Variants in SBNO2 observed in about 807,000 individuals in gnomAD.
The protein encoded by SBNO2 is strawberry notch homolog 2.
A neutral mutation model predicts 146.3 loss-of-function variants in SBNO2; 89 were observed. That is an observed-to-expected ratio of 0.61 (90% CI 0.51 to 0.73). The LOEUF (loss-of-function observed/expected upper bound fraction) is 0.73. Ranked by LOEUF, SBNO2 falls within the 30% of genes least tolerant of loss-of-function variation. The probability of loss-of-function intolerance (pLI) is 0.00; values close to 1 mark genes in which losing one functional copy is unlikely to be tolerated. For missense variants in SBNO2, 2,092 were observed against 2,003.7 expected (o/e 1.04, Z -0.84); for synonymous variants, 1,147 against 892.6 (o/e 1.29, Z -5.08).
rs1007974141 is a variant in SBNO2 at position 1,157,712 on chromosome 19, G to C, written c.-126-3310C>G. 1.3e-5 allele frequency among the ~76,000 whole-genome samples: 2 copies of C among 152,182 alleles called. No individual in the cohort carries two copies. Among genetic ancestry groups the C allele is most frequent in the African/African-American group, 4.8e-5 (2 of 41,436 alleles). On this transcript the variant is annotated intron_variant, in intron 1 of 31. Coordinates refer to ENST00000361757, the MANE Select transcript of SBNO2 (RefSeq NM_014963.3). This position sits in a 1 kb window ranked among gnomAD's most constrained non-coding sequence, Gnocchi z 6.8. The stretch of plus-strand genomic sequence containing the variant: ...TGTAAAAGAGAACGATGAAGGTGCT[G>C]GTGGCCCAGACAGGACAACCACTGG...
chr19:1,124,423 G>A (rs1448521949), intron 5 of SBNO2, among the ~76,000 whole-genome samples: 1 of 152,190 alleles, frequency 6.6e-6, no homozygotes, highest in Non-Finnish European at 1.5e-5. Flanking sequence ...GCCCCATGCA[G>A]TGCAGGAGGC....
In SBNO2 at chr19:1,158,534, C is replaced by G. The variant is rs1007643454; in HGVS notation, c.-126-4132G>C. ...GCGCACGGCACACCCCAGAGCGCTC[C>G]GCCCAGGCCCGGGTTCTGGTCTCCT... On this transcript the variant is annotated intron_variant, in intron 1 of 31. Transcript: ENST00000361757. This position sits in a 1 kb window ranked among gnomAD's most constrained non-coding sequence, Gnocchi z 9.9. Among the ~76,000 whole-genome samples the G allele has an allele frequency of 6.6e-6, 1 of 152,192 alleles. No individual in the cohort carries two copies. The highest frequency in any genetic ancestry group is 6.5e-5 in the Admixed American group (1 of 15,284).
At chr19:1,147,468 C>A in intron 3 of SBNO2, 48 bp from the exon 4 acceptor site, 1 of 1,074,524 alleles carries the variant, frequency 9.3e-7, no homozygotes, top group Non-Finnish European at 1.3e-6. Flanking sequence ...GCTCAACCCA[C>A]TCCCTCAGTA....
In SBNO2 at chr19:1,157,543, T is replaced by C. The variant is rs1013869971; in HGVS notation, c.-126-3141A>G. Among the ~76,000 whole-genome samples, 1 of 145,296 alleles carries C rather than the reference T, an allele frequency of 6.9e-6. No individual in the cohort carries two copies. The highest frequency in any genetic ancestry group is 2.5e-5 in the African/African-American group (1 of 39,564). On this transcript the variant is annotated intron_variant, in intron 1 of 31. Transcript: ENST00000361757. This position sits in a 1 kb window ranked among gnomAD's most constrained non-coding sequence, Gnocchi z 6.8. ...GTTTTATTTTTGGGCGCGAGTCCCA[T>C]GACTGGAGGGATGCGTGGTGTGGGG...
chr19:1,138,848 GGACA>G (rs1568604156), intron 4 of SBNO2, among the ~76,000 whole-genome samples: 1 of 141,830 alleles, frequency 7.1e-6, no homozygotes, highest in African/African-American at 2.7e-5. Flanking sequence ...CCTCCATCAC[GGACA>G]GACACAGTGG....
chr19:1,170,311 G>C (rs960172045), intron 1 of SBNO2, among the ~76,000 whole-genome samples: 1 of 152,328 alleles, frequency 6.6e-6, no homozygotes, highest in African/African-American at 2.4e-5. Flanking sequence ...CCTCCCAGCA[G>C]GGAGGCAAGG....
rs182292034 is a variant in SBNO2 at position 1,125,515 on chromosome 19, A to G, written c.442-1493T>C. The stretch of plus-strand genomic sequence containing the variant: ...GATAAACCCCATCTCTACTAAAAAT[A>G]CAAAATTAGCCAGGCACGATGGTAC... On this transcript the variant is annotated intron_variant, in intron 5 of 31. Coordinates refer to ENST00000361757, the MANE Select transcript of SBNO2 (RefSeq NM_014963.3). 1.2e-4 allele frequency among the ~76,000 whole-genome samples: 18 copies of G among 152,142 alleles called. No homozygotes were observed. The East Asian group carries it at 3.3e-3, about 28-fold the overall frequency.
intron 1 of SBNO2, among the ~76,000 whole-genome samples, chr19:1,167,310 C>A (rs1485249145): frequency 6.6e-6 from 1 of 152,280 alleles, no homozygotes; most frequent in Non-Finnish European, 1.5e-5. Context: ...ACGACACCCA[C>A]GCGCCCTCTC....
At chr19:1,135,212 A>G (rs2080074526) in intron 4 of SBNO2, among the ~76,000 whole-genome samples, 1 of 152,022 alleles carries the variant, frequency 6.6e-6, no homozygotes, top group South Asian at 2.1e-4. Flanking sequence ...AAATACAAAA[A>G]CCAGCTGCGC....
chr19:1,113,270 G>T lies in SBNO2; in HGVS notation c.2247+265C>A, dbSNP rs112949541. On this transcript the variant is annotated intron_variant, in intron 19 of 31. Transcript: ENST00000361757. ...ACCCCAAGGGGTGCGTTCAGGCAACGATCTAAGCAGAGGCCTGCGCAGGCC... is the reference window on the plus strand; with the variant it reads ...ACCCCAAGGGGTGCGTTCAGGCAACTATCTAAGCAGAGGCCTGCGCAGGCC... Among the ~76,000 whole-genome samples, 35 of 152,246 alleles carry T rather than the reference G, an allele frequency of 2.3e-4. No homozygotes were observed. The East Asian group carries it at 4.6e-3, about 20-fold the overall frequency.
At chr19:1,114,953 G>A (rs1384985554) in intron 17 of SBNO2, among the ~76,000 whole-genome samples, 2 of 150,616 alleles carry the variant, frequency 1.3e-5, no homozygotes, top group Non-Finnish European at 3.0e-5. Flanking sequence ...TTTTTGAGAT[G>A]GAGTTTCACT....
At chr19:1,116,556 C>T (rs537185940) in intron 16 of SBNO2, among the ~76,000 whole-genome samples, 3 of 152,252 alleles carry the variant, frequency 2.0e-5, no homozygotes, top group South Asian at 2.1e-4. Context: ...CTTGTTAAAA[C>T]GGCACAGATG....
chr19:1,109,737 C>T lies in SBNO2; in HGVS notation c.3069G>A (p.Gln1023=). ...PGIEEIYEES[Q]QVFLAPGHPQ... ...GGTGCCCGGGAGCCAGGAACACCTG[C>T]TGGCTCTCCTCGTAGATCTCCTCGA... Residue 1023 remains glutamine (Q), a synonymous_variant, in exon 27 of 32, where the codon CAG becomes CAA. Transcript: ENST00000361757. This position sits in a 1 kb window ranked among gnomAD's most constrained non-coding sequence, Gnocchi z 4.2. 2 of 1,605,738 alleles carry T rather than the reference C, an allele frequency of 1.2e-6. No individual in the cohort carries two copies. Among genetic ancestry groups the T allele is most frequent in the African/African-American group, 1.3e-5 (1 of 74,624 alleles).
intron 2 of SBNO2, 43 bp from the exon 3 acceptor site, chr19:1,149,485 C>T (rs1484318020): frequency 2.0e-6 from 3 of 1,527,560 alleles, no homozygotes; most frequent in African/African-American, 2.8e-5. Flanking sequence ...AGCAGAGGAC[C>T]TGCGGTGCAG....
At position 1,110,413 on chromosome 19, in the gene SBNO2, T is replaced by TC. The variant is rs1332769178; in HGVS notation, c.3028+331dup. 6.6e-6 allele frequency among the ~76,000 whole-genome samples: 1 copy of TC among 152,114 alleles called. No homozygotes were observed. Among genetic ancestry groups the TC allele is most frequent in the East Asian group, 1.9e-4 (1 of 5,190 alleles). ...CACCTTCCAGAGACGTGCACGGTGA[T>TC]CCCACGAGCCCTGTGCCTGCATCCG... is the stretch of plus-strand genomic sequence containing the variant. On this transcript the variant is annotated intron_variant, in intron 26 of 31. Transcript: ENST00000361757. This position sits in a 1 kb window ranked among gnomAD's most constrained non-coding sequence, Gnocchi z 4.9.
chr19:1,131,981 G>A (rs2080033940), intron 4 of SBNO2: 2 of 764,892 alleles, frequency 2.6e-6, no homozygotes, highest in South Asian at 2.1e-5. Context: ...TCGGACTCTA[G>A]GATGAGATGC....
chr19:1,148,306 C>T (rs1208355506), intron 3 of SBNO2, among the ~76,000 whole-genome samples: 3 of 151,994 alleles, frequency 2.0e-5, no homozygotes, highest in Admixed American at 1.3e-4. Context: ...ACTCCACTCC[C>T]GGGCCACAAA....
chr19:1,134,633 G>A (rs1337290259), intron 4 of SBNO2, among the ~76,000 whole-genome samples: 1 of 152,144 alleles, frequency 6.6e-6, no homozygotes, highest in African/African-American at 2.4e-5. Context: ...CAGGTTATCA[G>A]GGGGTGGGGA....
rs1312702056 is a variant in SBNO2, at chr19:1,108,333, C to T, written c.3988G>A (p.Glu1330Lys). ...CCCGCGCCCTCCCCCAGCGCGCCCTCGGAGGGCGGCCCCGCGTGCAGCGAG... is the reference window on the plus strand; with the variant it reads ...CCCGCGCCCTCCCCCAGCGCGCCCTTGGAGGGCGGCCCCGCGTGCAGCGAG... ...LRSLHAGPPSEGALGEGAGAG... is the reference protein window; with the variant it reads ...LRSLHAGPPSKGALGEGAGAG... The change falls in exon 32 of 32, where the codon GAG (glutamate) becomes AAG (lysine). Residue 1330 changes from glutamate (E) to lysine (K), a missense_variant. Glu to Lys is a moderately conservative substitution (Grantham distance 56). Transcript: ENST00000361757. 7.4e-7 allele frequency: 1 copy of T among 1,353,728 alleles called. No homozygotes were observed. Among genetic ancestry groups the T allele is most frequent in the Non-Finnish European group, 9.5e-7 (1 of 1,051,190 alleles). The allele number at this position is 1,353,728 out of a possible 1,614,324, so 83.9% of individuals were successfully genotyped here. A position where few individuals can be genotyped will look rare whatever the true frequency, so the allele number is the denominator to read the frequency against.
Sources: gnomAD v4.1 joint callset for allele counts (sites outside exome capture counted in the v4.1 genomes callset) on GRCh38, gnomAD v4.1.1 for gene constraint, Gnocchi (gnomAD v3.1) non-coding constraint, MANE v1.5 for transcripts, NCBI Gene and HGNC (gene_info 2026-07-23, HGNC 2026-07-21) for gene names.